The following PLD5 variants were observed in gnomAD, a reference collection of about 807,000 sequenced individuals.
PLD5 encodes inactive phospholipase D5.
PLD5 carries 36 observed loss-of-function variants against 61.1 expected under a neutral mutation model. The observed-to-expected ratio is 0.59, with a 90% CI of 0.45 to 0.78. The LOEUF is 0.78. PLD5 is among the 30% of genes least tolerant of loss of function. The pLI is 0.00. For missense variants in PLD5, 515 were observed against 644.4 expected (o/e 0.80, Z 2.17); for synonymous variants, 243 against 242.8 (o/e 1.00, Z -0.01).
chr1:242,121,692 A>C (rs1322086097), intron 6 of PLD5, among the ~76,000 whole-genome samples: 1 of 152,126 alleles, frequency 6.6e-6, no homozygotes, highest in African/African-American at 2.4e-5. Context: ...GAACCAACCC[A>C]AATGTCCATC....
Position 242,290,919 on chromosome 1 carries a change from G to A in PLD5, c.327-2389C>T, listed in dbSNP as rs1351914238. On this transcript the variant is annotated intron_variant, in intron 2 of 9. Transcript: ENST00000536534. ...TTAAAAATGTGAATCTGGACACTCTGCCTGCTGCCTAATGAAACTTCCTAT... is the reference window on the plus strand; with the variant it reads ...TTAAAAATGTGAATCTGGACACTCTACCTGCTGCCTAATGAAACTTCCTAT... 3.3e-5 allele frequency among the ~76,000 whole-genome samples: 5 copies of A among 151,946 alleles called. No individual in the cohort carries two copies. In the East Asian group the frequency reaches 5.8e-4, roughly 18 times the overall value.
At chr1:242,204,968 A>G (rs1268375035) in intron 5 of PLD5, among the ~76,000 whole-genome samples, 1 of 152,238 alleles carries the variant, frequency 6.6e-6, no homozygotes, top group East Asian at 1.9e-4. Context: ...ACTGAAAGCC[A>G]AAGTCCACAA....
At chr1:242,298,459 G>T (rs1377151447) in intron 2 of PLD5, among the ~76,000 whole-genome samples, 1 of 152,204 alleles carries the variant, frequency 6.6e-6, no homozygotes. Context: ...GCGGCCAGGG[G>T]TCATCTAGCT....
At chr1:242,468,612 T>C (rs1015977542) in intron 1 of PLD5, among the ~76,000 whole-genome samples, 5 of 152,152 alleles carry the variant, frequency 3.3e-5, no homozygotes, top group African/African-American at 1.2e-4. Flanking sequence ...TGAAACATTC[T>C]ACTCTTTACT....
chr1:242,451,044 C>T (rs1378178049), intron 1 of PLD5, among the ~76,000 whole-genome samples: 1 of 152,192 alleles, frequency 6.6e-6, no homozygotes, highest in Non-Finnish European at 1.5e-5. Flanking sequence ...TCAGCCACAT[C>T]GTTTTGACTC....
At chr1:242,271,801 C>T (rs573418109) in intron 3 of PLD5, among the ~76,000 whole-genome samples, 14 of 151,866 alleles carry the variant, frequency 9.2e-5, no homozygotes, top group East Asian at 7.8e-4. Context: ...AGGAACAATA[C>T]GATATGTACA....
At chr1:242,159,227 A>G (rs316840) in intron 5 of PLD5, among the ~76,000 whole-genome samples, 71,340 of 151,962 alleles carry the variant, frequency 0.47, 18,196 homozygotes, top group African/African-American at 0.67. Flanking sequence ...TGTTGGATAT[A>G]GAAAGGTAAA....
At chr1:242,147,347 G>T (rs917661064) in intron 5 of PLD5, among the ~76,000 whole-genome samples, 4 of 152,272 alleles carry the variant, frequency 2.6e-5, no homozygotes, top group Non-Finnish European at 1.5e-5. Flanking sequence ...ACAGTAGTTT[G>T]TTTCTTTTTA....
chr1:242,420,484 T>G (rs966134427), intron 1 of PLD5, among the ~76,000 whole-genome samples: 24 of 152,208 alleles, frequency 1.6e-4, no homozygotes, highest in Admixed American at 7.2e-4. Flanking sequence ...AAAAACATCC[T>G]TAAGCATCAT....
At chr1:242,449,472 A>G in intron 1 of PLD5, 1 of 1,532,866 alleles carries the variant, frequency 6.5e-7, no homozygotes, top group Admixed American at 2.0e-5. Flanking sequence ...ATGTGGCACA[A>G]ACGTATCACC....
chr1:242,428,213 A>G (rs1390365863), intron 1 of PLD5, among the ~76,000 whole-genome samples: 25 of 152,248 alleles, frequency 1.6e-4, no homozygotes, highest in African/African-American at 4.8e-4. Flanking sequence ...GAGCGTTTAA[A>G]ATAAATGAAA....
intron 2 of PLD5, among the ~76,000 whole-genome samples, chr1:242,312,962 C>G (rs1413150299): frequency 6.6e-6 from 1 of 152,180 alleles, no homozygotes; most frequent in Non-Finnish European, 1.5e-5. Flanking sequence ...AAACAAGGAC[C>G]TAAAACTTCC....
At chr1:242,279,338 A>G (rs1362348039) in intron 3 of PLD5, among the ~76,000 whole-genome samples, 2 of 152,080 alleles carry the variant, frequency 1.3e-5, no homozygotes, top group Non-Finnish European at 2.9e-5. Flanking sequence ...GCCCAGTAAA[A>G]TCCCCTCATC....
intron 4 of PLD5, among the ~76,000 whole-genome samples, chr1:242,224,154 T>G (rs1550123): frequency 0.3 from 46,196 of 152,020 alleles, 7,323 homozygotes; most frequent in East Asian, 0.53. Context: ...TGTGTTAGAA[T>G]TGCAATTAGC....
rs1230127894 is a variant in PLD5, at chr1:242,348,916, T to A, written c.190-674A>T. The stretch of plus-strand genomic sequence containing the variant: ...AAAAATACAAAAAATTAGCTGGGCG[T>A]GGTGGCAGGCGCCTGTAATCCCAGC... On this transcript the variant is annotated intron_variant, in intron 1 of 9. Coordinates refer to ENST00000536534, the MANE Select transcript of PLD5 (RefSeq NM_001372062.1). Among the ~76,000 whole-genome samples, 9 of 152,058 alleles carry A rather than the reference T, an allele frequency of 5.9e-5. No homozygotes were observed. The East Asian group carries it at 7.8e-4, about 13-fold the overall frequency.
chr1:242,321,731 A>G (rs1658426165), intron 2 of PLD5, among the ~76,000 whole-genome samples: 1 of 152,176 alleles, frequency 6.6e-6, no homozygotes, highest in Non-Finnish European at 1.5e-5. Flanking sequence ...AAGATGATAT[A>G]TAAGCTTCTA....
At position 242,152,122 on chromosome 1, in the gene PLD5, T is replaced by A. The variant is rs540562507; in HGVS notation, c.736-27457A>T. ...GGATAAAATCAAGGTGTCAGCAGAA[T>A]GGAACTCATTTCTGGAGGCTCTAGG... On this transcript the variant is annotated intron_variant, in intron 5 of 9. Coordinates refer to ENST00000536534, the MANE Select transcript of PLD5 (RefSeq NM_001372062.1). Among the ~76,000 whole-genome samples, 3 of 152,192 alleles carry A rather than the reference T, an allele frequency of 2.0e-5. No homozygotes were observed. The East Asian group carries it at 5.8e-4, about 29-fold the overall frequency.
chr1:242,171,653 C>T (rs1666755583), intron 5 of PLD5, among the ~76,000 whole-genome samples: 1 of 149,800 alleles, frequency 6.7e-6, no homozygotes, highest in Admixed American at 6.7e-5. Flanking sequence ...ACCCATCTCA[C>T]ATGGAAAAAA....
intron 2 of PLD5, among the ~76,000 whole-genome samples, chr1:242,347,808 C>A (rs182757303): frequency 3.3e-5 from 5 of 152,214 alleles, no homozygotes; most frequent in Admixed American, 2.6e-4. Context: ...ACAGGCTCAT[C>A]ATGAACACCC....
Sources: allele counts gnomAD v4.1 joint callset (sites outside exome capture counted in the v4.1 genomes callset), GRCh38; gene constraint gnomAD v4.1.1; transcripts MANE v1.5; gene names NCBI Gene and HGNC (gene_info 2026-07-23, HGNC 2026-07-21).